FSTL4: variants seen among roughly 807,000 people sequenced by gnomAD.
FSTL4 encodes follistatin-related protein 4.
FSTL4 carries 28 observed loss-of-function variants against 78.2 expected under a neutral mutation model. That is an observed-to-expected ratio of 0.36 (90% CI 0.27 to 0.49). The LOEUF (loss-of-function observed/expected upper bound fraction) is 0.49, where lower values mean the gene tolerates loss of function less well. Ranked by LOEUF, FSTL4 falls within the 20% of genes least tolerant of loss-of-function variation. The probability of loss-of-function intolerance (pLI) is 0.98; values close to 1 mark genes in which losing one functional copy is unlikely to be tolerated. For missense variants in FSTL4, 922 were observed against 1,084.9 expected (o/e 0.85, Z 2.11); for synonymous variants, 422 against 440.5 (o/e 0.96, Z 0.53).
chr5:133,780,211 A>C, the FSTL4 span, among the ~76,000 whole-genome samples: 1 of 152,012 alleles, frequency 6.6e-6, no homozygotes, highest in Admixed American at 6.6e-5. Flanking sequence ...ACTGCCAAAG[A>C]GCCGCAGATG....
chr5:133,358,591 CTTTTTT>C (rs1173835923), intron 4 of FSTL4, among the ~76,000 whole-genome samples: 2 of 115,426 alleles, frequency 1.7e-5, no homozygotes, highest in Non-Finnish European at 3.5e-5. Flanking sequence ...GGTTCTATTT[CTTTTTT>C]TTTTTTTTTT....
chr5:133,725,519 G>A, the FSTL4 span, among the ~76,000 whole-genome samples: 71 of 152,204 alleles, frequency 4.7e-4, 1 homozygote, highest in Admixed American at 1.8e-3. Flanking sequence ...GTTAATGGTA[G>A]AGACAATCAA....
At chr5:133,648,500 G>C in the FSTL4 span, among the ~76,000 whole-genome samples, 1 of 152,150 alleles carries the variant, frequency 6.6e-6, no homozygotes. Flanking sequence ...CTCAGCAAGA[G>C]GGGGTCACAT....
intron 2 of FSTL4, among the ~76,000 whole-genome samples, chr5:133,593,619 A>G (rs369853): frequency 0.57 from 86,238 of 151,962 alleles, 24,604 homozygotes; most frequent in East Asian, 0.68. Context: ...ATGCACCTGG[A>G]CAGGGAATGT....
intron 3 of FSTL4, among the ~76,000 whole-genome samples, chr5:133,503,361 C>T (rs984306591): frequency 1.3e-5 from 2 of 152,198 alleles, no homozygotes; most frequent in Non-Finnish European, 2.9e-5. Context: ...TTGCTCCTAA[C>T]ATGGCCAGTA....
At chr5:133,531,571 C>T (rs115828706) in intron 3 of FSTL4, among the ~76,000 whole-genome samples, 2,655 of 152,290 alleles carry the variant, frequency 0.017, 82 homozygotes, top group African/African-American at 0.06. Flanking sequence ...GCAGGCCTCT[C>T]AGCTCTGGGG....
At chr5:133,226,569 A>G (rs1284492295) in intron 8 of FSTL4, among the ~76,000 whole-genome samples, 2 of 152,266 alleles carry the variant, frequency 1.3e-5, no homozygotes, top group Non-Finnish European at 2.9e-5. Flanking sequence ...CTCTGGGTCC[A>G]GGAGATAAGT....
At chr5:133,504,961 G>A (rs1758583423) in intron 3 of FSTL4, among the ~76,000 whole-genome samples, 2 of 152,278 alleles carry the variant, frequency 1.3e-5, no homozygotes, top group African/African-American at 4.8e-5. Context: ...ACTGGTCATT[G>A]TTGTATTTTC....
intron 3 of FSTL4, among the ~76,000 whole-genome samples, chr5:133,480,138 C>T (rs979887329): frequency 2.0e-5 from 3 of 152,198 alleles, no homozygotes; most frequent in Non-Finnish European, 2.9e-5. Flanking sequence ...ATACCACCCC[C>T]GCATGCAGTA....
At chr5:133,449,753 T>C (rs2127009550) in intron 3 of FSTL4, among the ~76,000 whole-genome samples, 1 of 152,288 alleles carries the variant, frequency 6.6e-6, no homozygotes, top group African/African-American at 2.4e-5. Context: ...TGCGCTCTTT[T>C]CCTCTCCCTT....
chr5:133,803,122 G>A, the FSTL4 span, among the ~76,000 whole-genome samples: 1 of 152,204 alleles, frequency 6.6e-6, no homozygotes, highest in South Asian at 2.1e-4. Flanking sequence ...CATCATTTGT[G>A]TTGCTGGATC....
chr5:133,712,670 A>C, the FSTL4 span, among the ~76,000 whole-genome samples: 1 of 152,242 alleles, frequency 6.6e-6, no homozygotes, highest in Non-Finnish European at 1.5e-5. Flanking sequence ...CCACTGGGTT[A>C]CAAACCCAAG....
At chr5:133,740,280 C>CT in the FSTL4 span, among the ~76,000 whole-genome samples, 1 of 152,156 alleles carries the variant, frequency 6.6e-6, no homozygotes, top group Non-Finnish European at 1.5e-5. Context: ...ACATCAAACT[C>CT]TAAGAGTGGG....
At chr5:133,455,306 G>A (rs1301316264) in intron 3 of FSTL4, among the ~76,000 whole-genome samples, 1 of 152,084 alleles carries the variant, frequency 6.6e-6, no homozygotes, top group Non-Finnish European at 1.5e-5. Flanking sequence ...GAAAATGCTG[G>A]GCAATTATCT....
At chr5:133,370,738 G>C (rs1755277450) in intron 4 of FSTL4, among the ~76,000 whole-genome samples, 1 of 152,136 alleles carries the variant, frequency 6.6e-6, no homozygotes, top group Non-Finnish European at 1.5e-5. Context: ...GCAGGTGTGA[G>C]GCAGCAGTGA....
At chr5:133,342,339 C>T (rs1008763509) in intron 4 of FSTL4, among the ~76,000 whole-genome samples, 1 of 152,066 alleles carries the variant, frequency 6.6e-6, no homozygotes, top group African/African-American at 2.4e-5. Context: ...AGAGAAGGGG[C>T]AGGGGAAATT....
At chr5:133,656,866 A>T in the FSTL4 span, among the ~76,000 whole-genome samples, 1 of 152,196 alleles carries the variant, frequency 6.6e-6, no homozygotes, top group African/African-American at 2.4e-5. Context: ...GGAGACTGAC[A>T]ATAGTCTAGG....
chr5:133,280,428 G>T (rs972316586), intron 6 of FSTL4, among the ~76,000 whole-genome samples: 1 of 152,142 alleles, frequency 6.6e-6, no homozygotes, highest in Non-Finnish European at 1.5e-5. Flanking sequence ...TTTGTGAGTT[G>T]AGTTATTCCC....
At chr5:133,512,718 G>T (rs1333484589) in intron 3 of FSTL4, among the ~76,000 whole-genome samples, 2 of 152,212 alleles carry the variant, frequency 1.3e-5, no homozygotes, top group African/African-American at 4.8e-5. Flanking sequence ...CACTCAGAAG[G>T]AAGAGCAATG....
Sources: allele counts gnomAD v4.1 joint callset (sites outside exome capture counted in the v4.1 genomes callset), GRCh38; gene constraint gnomAD v4.1.1; transcripts MANE v1.5; gene names NCBI Gene and HGNC (gene_info 2026-07-23, HGNC 2026-07-21).